PLBD2: variants seen among roughly 807,000 people sequenced by gnomAD.
PLBD2 encodes phospholipase B domain containing 2.
Under a neutral mutation model 68.3 loss-of-function variants are expected in PLBD2, and 51 were observed. The observed-to-expected ratio is 0.75, with a 90% CI of 0.60 to 0.94. PLBD2 has a LOEUF of 0.94. PLBD2 is among the 40% of genes least tolerant of loss of function. The pLI is 0.00. For synonymous variants in PLBD2, 314 were observed against 339.3 expected, an observed-to-expected ratio of 0.93 and a Z score of 0.82; for missense variants, 729 against 792.2, an observed-to-expected ratio of 0.92 and a Z score of 0.96.
chr12:113,381,528 G>C (rs1463885325), intron 6 of PLBD2, among the ~76,000 whole-genome samples: 3 of 152,186 alleles, frequency 2.0e-5, no homozygotes, highest in Admixed American at 2.0e-4. Flanking sequence ...GGGGACGGGA[G>C]GGGTGGGGAC....
rs1338703120 is a variant in PLBD2 at position 113,374,769 on chromosome 12, C to T, written c.645-24C>T. 8 of 1,612,780 alleles carry T rather than the reference C, an allele frequency of 5.0e-6. No homozygotes were observed. In the African/African-American group the frequency reaches 6.7e-5, roughly 13 times the overall value. On this transcript the variant is annotated intron_variant, in intron 4 of 11. Coordinates refer to ENST00000280800, the MANE Select transcript of PLBD2 (RefSeq NM_173542.4). ...AGCACTCACAGCAGGCGTGGTAACC[C>T]TCTGATGCCCTGGCCCTCCTCAGCC... is the stretch of plus-strand genomic sequence containing the variant.
Position 113,377,847 on chromosome 12 carries a change from A to G in PLBD2, c.859+2840A>G, listed in dbSNP as rs562490735. ...GCTATATATCCATTAAAATTTTAAT[A>G]GCTTTTAAAAACATACTGTATAAGT... On this transcript the variant is annotated intron_variant, in intron 5 of 11. Transcript: ENST00000280800. 5.9e-5 allele frequency among the ~76,000 whole-genome samples: 9 copies of G among 152,252 alleles called. No individual in the cohort carries two copies. In the South Asian group the frequency reaches 6.2e-4, roughly 10 times the overall value.
chr12:113,384,845 C>G lies in PLBD2; in HGVS notation c.1119-6C>G. 1 of 1,613,174 alleles carries G rather than the reference C, an allele frequency of 6.2e-7. No homozygotes were observed. Among genetic ancestry groups the G allele is most frequent in the Non-Finnish European group, 8.5e-7 (1 of 1,179,394 alleles). ...CTGTTCAGTCCTCCCTTCCCCTGCC[C>G]GGCAGGTATAACAACCAGTGGATGA... On this transcript the variant is annotated splice_region_variant and splice_polypyrimidine_tract_variant and intron_variant, in intron 7 of 11. Coordinates refer to ENST00000280800, the MANE Select transcript of PLBD2 (RefSeq NM_173542.4). The surrounding 1 kb of genome is among the most constrained non-coding windows in gnomAD (Gnocchi z 4.2).
Position 113,372,709 on chromosome 12 carries a change from G to T in PLBD2, c.445G>T (p.Val149Phe). 1 of 1,614,074 alleles carries T rather than the reference G, an allele frequency of 6.2e-7. No homozygotes were observed. The highest frequency in any genetic ancestry group is 1.1e-5 in the South Asian group (1 of 91,080). Residue 149 changes from valine to phenylalanine, a missense_variant, in exon 3 of 12, where the codon GTC becomes TTC. Val to Phe is a conservative substitution (Grantham distance 50). Transcript: ENST00000280800. The surrounding 1 kb of genome is among the most constrained non-coding windows in gnomAD (Gnocchi z 4.2). ...VNYCGPFEYE[V>F]GYCERLKSFL... Reference sequence around the variant, plus strand: ...TTACTGCGGCCCCTTCGAGTATGAAGTCGGCTACTGCGAGAGGCTGAAGAG... The same window carrying T: ...TTACTGCGGCCCCTTCGAGTATGAATTCGGCTACTGCGAGAGGCTGAAGAG...
At chr12:113,382,321 A>G (rs1957498615) in intron 6 of PLBD2, among the ~76,000 whole-genome samples, 2 of 152,240 alleles carry the variant, frequency 1.3e-5, no homozygotes, top group South Asian at 4.1e-4. Context: ...ATGATACTTT[A>G]AGGTATGTAC....
intron 1 of PLBD2, among the ~76,000 whole-genome samples, chr12:113,368,827 A>G (rs186744776): frequency 9.7e-4 from 147 of 152,276 alleles, no homozygotes; most frequent in African/African-American, 3.4e-3. Flanking sequence ...GTCATCCTCA[A>G]TGGATGTTGT....
chr12:113,369,968 C>G lies in PLBD2; in HGVS notation c.384+759C>G, dbSNP rs148674989. Among the ~76,000 whole-genome samples the G allele has an allele frequency of 6.0e-4, 90 of 150,576 alleles. 2 individuals are homozygous for G. Among genetic ancestry groups the G allele is most frequent in the African/African-American group, 2.1e-3 (84 of 40,902 alleles). Reference sequence around the variant, plus strand: ...AGGCTGGAGTGCAGTGGTGTGATCTCGGCTCACTGCAACCTCTGCTTCCCA... The same window carrying G: ...AGGCTGGAGTGCAGTGGTGTGATCTGGGCTCACTGCAACCTCTGCTTCCCA... On this transcript the variant is annotated intron_variant, in intron 2 of 11. Coordinates refer to ENST00000280800, the MANE Select transcript of PLBD2 (RefSeq NM_173542.4).
chr12:113,362,208 G>A (rs745499256), intron 1 of PLBD2, among the ~76,000 whole-genome samples: 4 of 152,078 alleles, frequency 2.6e-5, no homozygotes, highest in African/African-American at 9.7e-5. Flanking sequence ...AATTAGCTGG[G>A]TGTGGTTGCG....
intron 9 of PLBD2, 32 bp from the exon 10 acceptor site, chr12:113,386,905 G>T: frequency 1.2e-6 from 2 of 1,606,712 alleles, no homozygotes; most frequent in Non-Finnish European, 1.7e-6. Flanking sequence ...AGGCCAGTGG[G>T]GGTCATGGGT....
intron 1 of PLBD2, among the ~76,000 whole-genome samples, chr12:113,365,423 C>T (rs1282720406): frequency 6.6e-6 from 1 of 151,646 alleles, no homozygotes; most frequent in Non-Finnish European, 1.5e-5. Flanking sequence ...TCAAGCGATT[C>T]ATGCCTCAGT....
At chr12:113,386,638 C>T (rs970582874) in intron 9 of PLBD2, among the ~76,000 whole-genome samples, 2 of 152,082 alleles carry the variant, frequency 1.3e-5, no homozygotes, top group African/African-American at 4.8e-5. Flanking sequence ...CATGCCTCAG[C>T]CTCCCGAGTA....
intron 5 of PLBD2, among the ~76,000 whole-genome samples, chr12:113,375,766 A>T (rs1435799290): frequency 6.6e-6 from 1 of 152,190 alleles, no homozygotes; most frequent in Non-Finnish European, 1.5e-5. Flanking sequence ...GTCTTTCATC[A>T]TCAGTAGGTG....
chr12:113,360,862 G>A (rs12579273), intron 1 of PLBD2, among the ~76,000 whole-genome samples: 2 of 152,146 alleles, frequency 1.3e-5, no homozygotes, highest in Non-Finnish European at 2.9e-5. Context: ...CACCATGTTG[G>A]CCAGGCTGGT....
chr12:113,358,892 T>A lies in PLBD2; in HGVS notation c.290+2T>A. The A allele has an allele frequency of 6.6e-7, 1 of 1,518,838 alleles. No homozygotes were observed. The highest frequency in any genetic ancestry group is 8.8e-7 in the Non-Finnish European group (1 of 1,135,616). 94.1% of individuals were successfully genotyped at this position (1,518,838 alleles called of 1,614,324 possible). A position where few individuals can be genotyped will look rare whatever the true frequency, so the allele number is the denominator to read the frequency against. ...CACCAACGCCATCCGCGAGACTGGGTAAGGGTTGGCTTATCCCCACGCGGG... is the reference window on the plus strand; with the variant it reads ...CACCAACGCCATCCGCGAGACTGGGAAAGGGTTGGCTTATCCCCACGCGGG... On this transcript the variant is annotated splice_donor_variant, in intron 1 of 11. Transcript: ENST00000280800. LOFTEE classifies it high-confidence loss of function.
At chr12:113,362,487 T>A (rs1957304243) in intron 1 of PLBD2, among the ~76,000 whole-genome samples, 1 of 152,022 alleles carries the variant, frequency 6.6e-6, no homozygotes, top group Non-Finnish European at 1.5e-5. Context: ...GTCTGACTTT[T>A]TCCAATGTGG....
intron 6 of PLBD2, among the ~76,000 whole-genome samples, chr12:113,381,247 C>T (rs963661309): frequency 1.3e-5 from 2 of 151,886 alleles, no homozygotes; most frequent in African/African-American, 4.8e-5. Context: ...GTGCCCCCGC[C>T]CCCCCCACAT....
At chr12:113,387,633 C>T in intron 10 of PLBD2, 111 bp from the exon 11 acceptor site, 1 of 1,204,748 alleles carries the variant, frequency 8.3e-7, no homozygotes, top group Non-Finnish European at 1.2e-6. Flanking sequence ...GGGAGGGGCT[C>T]ATCAAGTTGA....
rs1275988836 is a variant in PLBD2, at chr12:113,387,777, G to C, written c.1473G>C (p.Leu491=). 1.2e-6 allele frequency: 2 copies of C among 1,614,152 alleles called. No individual in the cohort carries two copies. The highest frequency in any genetic ancestry group is 2.2e-5 in the South Asian group (2 of 91,080). Residue 491 remains leucine, a synonymous_variant, in exon 11 of 12, where the codon CTG becomes CTC. Coordinates refer to ENST00000280800, the MANE Select transcript of PLBD2 (RefSeq NM_173542.4). ...ACTTCCTCCATGACCCTCTGTCACT[G>C]TGCAAAGCCTGCAACCCCCAGCCCA... ...YNDFLHDPLS[L]CKACNPQPNG...
rs1398925380 is a variant in PLBD2 at position 113,367,547 on chromosome 12, C to G, written c.291-1569C>G. On this transcript the variant is annotated intron_variant, in intron 1 of 11. Transcript: ENST00000280800. ...GGTGGATCACTTGACGTCAGGAGTTCAAGACCAGCCTGGCCAACATGGTGA... is the reference window on the plus strand; with the variant it reads ...GGTGGATCACTTGACGTCAGGAGTTGAAGACCAGCCTGGCCAACATGGTGA... 2.6e-5 allele frequency among the ~76,000 whole-genome samples: 4 copies of G among 151,780 alleles called. No homozygotes were observed. In the East Asian group the frequency reaches 7.8e-4, roughly 29 times the overall value.
Sources: gnomAD v4.1 joint callset for allele counts (sites outside exome capture counted in the v4.1 genomes callset) on GRCh38, gnomAD v4.1.1 for gene constraint, Gnocchi (gnomAD v3.1) non-coding constraint, MANE v1.5 for transcripts, NCBI Gene and HGNC (gene_info 2026-07-23, HGNC 2026-07-21) for gene names.